CSMD1: variants seen among roughly 807,000 people sequenced by gnomAD.
CSMD1 encodes the protein CUB and Sushi multiple domains 1.
Under a neutral mutation model 417.5 loss-of-function variants are expected in CSMD1, and 213 were observed. That is an observed-to-expected ratio of 0.51 (90% CI 0.46 to 0.57). CSMD1 has a LOEUF of 0.57. Ranked by LOEUF, CSMD1 falls within the 20% of genes least tolerant of loss-of-function variation. The probability of loss-of-function intolerance (pLI) is 0.00; values close to 1 mark genes in which losing one functional copy is unlikely to be tolerated. For missense variants in CSMD1, 6,923 were observed against 4,529.7 expected (o/e 1.53, Z -15.17); for synonymous variants, 2,862 against 1,736.8 (o/e 1.65, Z -16.11).
chr8:4,121,285 T>C (rs879271832), intron 3 of CSMD1, among the ~76,000 whole-genome samples: 2 of 151,972 alleles, frequency 1.3e-5, no homozygotes, highest in Non-Finnish European at 1.5e-5. Flanking sequence ...CAGCTCGTTT[T>C]TGTATTTTTA....
rs575753524 is a variant in CSMD1 at position 4,918,325 on chromosome 8, C to G, written c.85+76007G>C. On this transcript the variant is annotated intron_variant, in intron 1 of 69. Coordinates refer to ENST00000635120, the MANE Select transcript of CSMD1 (RefSeq NM_033225.6). ...GCTTCGAAAATCACAAAGTGTATTG[C>G]CTTCTCTCTCTTTTCTTTTTGCTGG... Among the ~76,000 whole-genome samples the G allele has an allele frequency of 3.3e-5, 5 of 152,232 alleles. No homozygotes were observed. The East Asian group carries it at 9.7e-4, about 29-fold the overall frequency.
intron 1 of CSMD1, among the ~76,000 whole-genome samples, chr8:4,678,430 T>C (rs1180225111): frequency 2.6e-5 from 4 of 152,014 alleles, no homozygotes; most frequent in African/African-American, 7.2e-5. Context: ...AAAAAAGAAT[T>C]TGTTAACAAA....
At chr8:4,340,695 T>G (rs967559340) in intron 3 of CSMD1, among the ~76,000 whole-genome samples, 1 of 152,082 alleles carries the variant, frequency 6.6e-6, no homozygotes, top group Admixed American at 6.6e-5. Flanking sequence ...TTATTAGAAG[T>G]ACATTTTAAA....
intron 1 of CSMD1, among the ~76,000 whole-genome samples, chr8:4,764,230 G>C (rs1313465109): frequency 2.0e-5 from 3 of 152,218 alleles, no homozygotes; most frequent in South Asian, 2.1e-4. Context: ...AAGTTAGACA[G>C]TCGTATTGTA....
At chr8:4,009,769 G>C (rs1446350795) in intron 4 of CSMD1, among the ~76,000 whole-genome samples, 1 of 151,998 alleles carries the variant, frequency 6.6e-6, no homozygotes, top group African/African-American at 2.4e-5. Flanking sequence ...CAGAATGAAA[G>C]GAACCCAGAG....
At chr8:4,025,668 A>G (rs146036802) in intron 4 of CSMD1, among the ~76,000 whole-genome samples, 1 of 152,340 alleles carries the variant, frequency 6.6e-6, no homozygotes, top group Non-Finnish European at 1.5e-5. Context: ...ACAGATCTTA[A>G]GTTGAAAGAC....
intron 3 of CSMD1, among the ~76,000 whole-genome samples, chr8:4,066,379 C>G (rs914007410): frequency 6.6e-6 from 1 of 152,200 alleles, no homozygotes; most frequent in African/African-American, 2.4e-5. Context: ...CCACTCAGCG[C>G]AGGGATGTTT....
chr8:4,977,985 T>G (rs978358170), intron 1 of CSMD1, among the ~76,000 whole-genome samples: 22 of 152,176 alleles, frequency 1.4e-4, no homozygotes, highest in African/African-American at 5.1e-4. Flanking sequence ...TTTACGAGGT[T>G]TCCCTGTTGA....
rs369993966 is a variant in CSMD1 at position 4,441,246 on chromosome 8, G to A, written c.303-21181C>T. Among the ~76,000 whole-genome samples the A allele has an allele frequency of 3.1e-4, 44 of 143,472 alleles. No individual in the cohort carries two copies. The East Asian group carries it at 6.1e-3, about 20-fold the overall frequency. 94.1% of individuals were successfully genotyped at this position (143,472 alleles called of 152,430 possible). A position where few individuals can be genotyped will look rare whatever the true frequency, so the allele number is the denominator to read the frequency against. On this transcript the variant is annotated intron_variant, in intron 2 of 69. Transcript: ENST00000635120. ...CTTGAGTAGCTGGAACTACAGGCCTGAGCACTACACTCAGTTTTTTTTTTT... is the reference window on the plus strand; with the variant it reads ...CTTGAGTAGCTGGAACTACAGGCCTAAGCACTACACTCAGTTTTTTTTTTT...
In CSMD1 at chr8:3,120,420, A is replaced by G. The variant is rs74566400; in HGVS notation, c.6242-1833T>C. 5.2e-3 allele frequency among the ~76,000 whole-genome samples: 795 copies of G among 152,360 alleles called. 2 individuals carry two copies. The highest frequency in any genetic ancestry group is 9.0e-3 in the Non-Finnish European group (609 of 68,034). ...GCCTTGGCGTTCACAAGATTAATGT[A>G]AGTGCTGTTTGGAGTTTGTCTTCAT... On this transcript the variant is annotated intron_variant, in intron 41 of 69. Transcript: ENST00000635120.
At chr8:3,497,136 G>A (rs748224774) in intron 10 of CSMD1, among the ~76,000 whole-genome samples, 1 of 152,174 alleles carries the variant, frequency 6.6e-6, no homozygotes, top group Non-Finnish European at 1.5e-5. Context: ...TGGATGAAAT[G>A]TTCTGTAAAT....
In CSMD1 at chr8:3,242,137, C is replaced by G. The variant is rs181348433; in HGVS notation, c.4154-11906G>C. On this transcript the variant is annotated intron_variant, in intron 26 of 69. Coordinates refer to ENST00000635120, the MANE Select transcript of CSMD1 (RefSeq NM_033225.6). ...CCTTGACTATGCCTTTAGCTCCAGC[C>G]ACCTTTTAAGAGTAAATTGCTGGGC... Among the ~76,000 whole-genome samples the G allele has an allele frequency of 7.9e-3, 1,204 of 151,752 alleles. 19 individuals are homozygous for G. Among genetic ancestry groups the G allele is most frequent in the Middle Eastern group, 0.017 (5 of 294 alleles).
chr8:4,729,677 G>C (rs1290602328), intron 1 of CSMD1, among the ~76,000 whole-genome samples: 1 of 152,196 alleles, frequency 6.6e-6, no homozygotes, highest in East Asian at 1.9e-4. Context: ...CAGAAGACTA[G>C]CTGTTGTTTG....
At chr8:4,371,099 G>A (rs1202814779) in intron 3 of CSMD1, among the ~76,000 whole-genome samples, 3 of 152,130 alleles carry the variant, frequency 2.0e-5, no homozygotes, top group Non-Finnish European at 4.4e-5. Flanking sequence ...GGGGCATTTT[G>A]TTTTTATGGT....
chr8:4,069,260 C>G (rs1799419803), intron 3 of CSMD1, among the ~76,000 whole-genome samples: 1 of 152,136 alleles, frequency 6.6e-6, no homozygotes, highest in Non-Finnish European at 1.5e-5. Context: ...GTAAAGATTA[C>G]TGTGAATTCT....
chr8:4,645,111 C>G (rs978428563), intron 1 of CSMD1, among the ~76,000 whole-genome samples: 2 of 152,126 alleles, frequency 1.3e-5, no homozygotes, highest in African/African-American at 4.8e-5. Context: ...GCCTGATTGT[C>G]GAAAGCTCCT....
At chr8:4,531,304 C>T (rs998114234) in intron 2 of CSMD1, among the ~76,000 whole-genome samples, 1 of 152,102 alleles carries the variant, frequency 6.6e-6, no homozygotes, top group African/African-American at 2.4e-5. Flanking sequence ...ACCCGATGTG[C>T]CGTGGAATGT....
chr8:3,468,426 G>C (rs1337715110), intron 12 of CSMD1, among the ~76,000 whole-genome samples: 6 of 152,144 alleles, frequency 3.9e-5, no homozygotes, highest in Non-Finnish European at 4.4e-5. Flanking sequence ...ATGGTCAAAA[G>C]ATCCCCACAT....
intron 1 of CSMD1, among the ~76,000 whole-genome samples, chr8:4,758,673 A>G (rs751439372): frequency 2.0e-5 from 3 of 152,216 alleles, no homozygotes; most frequent in Non-Finnish European, 4.4e-5. Context: ...GGCAAAAGGA[A>G]TAGTGGACAC....
Sources: allele counts gnomAD v4.1 joint callset (sites outside exome capture counted in the v4.1 genomes callset), GRCh38; gene constraint gnomAD v4.1.1; transcripts MANE v1.5; gene names NCBI Gene and HGNC (gene_info 2026-07-23, HGNC 2026-07-21).